Variants in SYT17 observed in about 807,000 individuals in gnomAD.
SYT17 encodes the protein synaptotagmin-17.
In SYT17, 22 loss-of-function variants were observed where a neutral mutation model predicts 46.7. That is an observed-to-expected ratio of 0.47 (90% CI 0.34 to 0.67). The LOEUF is 0.67. Among genes scored for constraint, SYT17 ranks in the 30% least tolerant of loss-of-function variants. The probability of loss-of-function intolerance (pLI) is 0.01; values close to 1 mark genes in which losing one functional copy is unlikely to be tolerated. For synonymous variants in SYT17, 251 were observed against 248.4 expected (o/e 1.01, Z -0.10); for missense variants, 519 against 612.8 (o/e 0.85, Z 1.62).
Position 19,172,314 on chromosome 16 carries a change from C to G in SYT17, c.16-446C>G, listed in dbSNP as rs533107027. On this transcript the variant is annotated intron_variant, in intron 1 of 7. Transcript: ENST00000355377. The stretch of plus-strand genomic sequence containing the variant: ...TTGGAAGGTAGGGCCTCCGGGAGGG[C>G]GGGGGAGCCAAGTAACATCCACTGT... The G allele has an allele frequency of 8.3e-6, 11 of 1,317,792 alleles. No homozygotes were observed. The South Asian group carries it at 1.4e-4, about 17-fold the overall frequency. The allele number at this position is 1,317,792 out of a possible 1,614,324, so 81.6% of individuals were successfully genotyped here.
rs1287321062 is a variant in SYT17 at position 19,267,713 on chromosome 16, C to T, written c.*637C>T. The T allele has an allele frequency of 8.5e-5, 13 of 152,214 alleles. No homozygotes were observed. The highest frequency in any genetic ancestry group is 1.6e-4 in the Non-Finnish European group (11 of 68,048). The allele number at this position is 152,214 out of a possible 1,614,324, so 9.4% of individuals were successfully genotyped here. A position where few individuals can be genotyped will look rare whatever the true frequency, so the allele number is the denominator to read the frequency against. ...CCTTTCCTGGCTTAACAGAATTGTT[C>T]TTGTGTTAGCTCATCCCAGGGAACG... On this transcript the variant is annotated 3_prime_UTR_variant, in exon 8 of 8. Transcript: ENST00000355377.
chr16:19,264,444 T>G (rs547473133), intron 7 of SYT17, among the ~76,000 whole-genome samples: 117 of 152,286 alleles, frequency 7.7e-4, no homozygotes, highest in African/African-American at 2.5e-3. Flanking sequence ...TGCAGAAAAT[T>G]CTATGGGATC....
intron 7 of SYT17, among the ~76,000 whole-genome samples, chr16:19,228,876 A>T (rs906147849): frequency 1.3e-5 from 2 of 152,224 alleles, no homozygotes; most frequent in Admixed American, 6.5e-5. Context: ...TAACAAAAGT[A>T]AGGTTGGTCT....
intron 5 of SYT17, among the ~76,000 whole-genome samples, chr16:19,186,097 A>T (rs1013113539): frequency 6.6e-6 from 1 of 152,086 alleles, no homozygotes; most frequent in African/African-American, 2.4e-5. Context: ...CTCCCAGACA[A>T]GGGCTGGCTC....
intron 5 of SYT17, among the ~76,000 whole-genome samples, chr16:19,209,509 CA>C (rs1362037951): frequency 6.6e-6 from 1 of 152,098 alleles, no homozygotes; most frequent in Non-Finnish European, 1.5e-5. Flanking sequence ...CAATATAATC[CA>C]GTGTGAAATG....
intron 7 of SYT17, among the ~76,000 whole-genome samples, chr16:19,252,188 T>A (rs924540227): frequency 6.7e-6 from 1 of 148,602 alleles, no homozygotes; most frequent in Non-Finnish European, 1.5e-5. Flanking sequence ...AAAACCATGT[T>A]TGAGACGTCT....
At chr16:19,190,854 C>T (rs1964989057) in intron 5 of SYT17, among the ~76,000 whole-genome samples, 1 of 150,936 alleles carries the variant, frequency 6.6e-6, no homozygotes, top group Admixed American at 6.6e-5. Context: ...ACTTGGATTG[C>T]CTCCACCCAA....
chr16:19,258,356 G>A (rs920643272), intron 7 of SYT17, among the ~76,000 whole-genome samples: 1 of 152,052 alleles, frequency 6.6e-6, no homozygotes, highest in African/African-American at 2.4e-5. Context: ...GGGAGATAGA[G>A]GAGGCCAGGC....
intron 7 of SYT17, among the ~76,000 whole-genome samples, chr16:19,242,526 T>A (rs1444490466): frequency 1.3e-5 from 2 of 149,802 alleles, no homozygotes. Context: ...TTTTTTTTAA[T>A]TAAAAAAATT....
intron 5 of SYT17, among the ~76,000 whole-genome samples, chr16:19,215,470 G>A (rs529062441): frequency 1.1e-4 from 16 of 152,244 alleles, no homozygotes; most frequent in Admixed American, 2.0e-4. Context: ...CAGTTGCCAA[G>A]GATCTATCAT....
intron 3 of SYT17, among the ~76,000 whole-genome samples, chr16:19,174,002 C>A (rs780016753): frequency 6.6e-6 from 1 of 152,118 alleles, no homozygotes; most frequent in South Asian, 2.1e-4. Context: ...TAGCCCAGGG[C>A]CTGCACATAG....
intron 7 of SYT17, among the ~76,000 whole-genome samples, chr16:19,227,345 C>A (rs1482377310): frequency 7.1e-6 from 1 of 141,622 alleles, no homozygotes; most frequent in South Asian, 2.3e-4. Context: ...TTGAGACAAT[C>A]TCATTCTGAT....
At chr16:19,204,009 A>G (rs1389557580) in intron 5 of SYT17, among the ~76,000 whole-genome samples, 2 of 152,150 alleles carry the variant, frequency 1.3e-5, no homozygotes, top group African/African-American at 4.8e-5. Flanking sequence ...GGGGGATGGG[A>G]GCCGTTACAA....
chr16:19,209,205 C>G (rs1965793885), intron 5 of SYT17, among the ~76,000 whole-genome samples: 1 of 151,896 alleles, frequency 6.6e-6, no homozygotes, highest in Admixed American at 6.6e-5. Context: ...ATTCAGAGAT[C>G]CTGGGGGTTG....
chr16:19,215,945 C>G (rs1314943551), intron 5 of SYT17, among the ~76,000 whole-genome samples: 2 of 152,120 alleles, frequency 1.3e-5, no homozygotes, highest in Non-Finnish European at 2.9e-5. Flanking sequence ...AGGGAAACTC[C>G]TCTTTTTAAG....
Position 19,168,465 on chromosome 16 carries a change from C to A in SYT17, c.-182C>A, listed in dbSNP as rs940873455. ...CCGAGAGCCGGAACGCAGGGAAAGGCAAGGACGGGGCGGCCGGCGGAGGGG... is the reference window on the plus strand; with the variant it reads ...CCGAGAGCCGGAACGCAGGGAAAGGAAAGGACGGGGCGGCCGGCGGAGGGG... On this transcript the variant is annotated 5_prime_UTR_variant, in exon 1 of 8. Transcript: ENST00000355377. The surrounding 1 kb of genome is among the most constrained non-coding windows in gnomAD (Gnocchi z 6.9). 2.1e-5 allele frequency: 17 copies of A among 791,918 alleles called. No individual in the cohort carries two copies. The highest frequency in any genetic ancestry group is 3.0e-5 in the Non-Finnish European group (15 of 504,272). 49.1% of individuals were successfully genotyped at this position (791,918 alleles called of 1,614,324 possible). A position where few individuals can be genotyped will look rare whatever the true frequency, so the allele number is the denominator to read the frequency against.
intron 7 of SYT17, among the ~76,000 whole-genome samples, chr16:19,258,567 G>A (rs572401484): frequency 2.0e-5 from 3 of 152,216 alleles, no homozygotes; most frequent in Admixed American, 1.3e-4. Flanking sequence ...ACTTCAACCC[G>A]GGAGGCGGAG....
Position 19,267,005 on chromosome 16 carries a change from G to A in SYT17, c.1354G>A (p.Glu452Lys). ...RMLNTHRTAV[E>K]QWHSLRSRAE... Reference sequence around the variant, plus strand: ...GCTCAACACGCACCGCACAGCCGTGGAGCAGTGGCATAGCCTGAGGTCCCG... The same window carrying A: ...GCTCAACACGCACCGCACAGCCGTGAAGCAGTGGCATAGCCTGAGGTCCCG... Residue 452 changes from glutamate to lysine, a missense_variant, in exon 8 of 8, where the codon GAG becomes AAG. Physicochemically the swap from Glu to Lys is moderately conservative, Grantham distance 56. Coordinates refer to ENST00000355377, the MANE Select transcript of SYT17 (RefSeq NM_016524.4). 1.2e-6 allele frequency: 2 copies of A among 1,613,454 alleles called. No individual in the cohort carries two copies. The highest frequency in any genetic ancestry group is 2.2e-5 in the East Asian group (1 of 44,842).
chr16:19,198,696 G>A (rs1246784146), intron 5 of SYT17, among the ~76,000 whole-genome samples: 1 of 152,226 alleles, frequency 6.6e-6, no homozygotes, highest in African/African-American at 2.4e-5. Context: ...GGCTCAGCTT[G>A]TTGGAAAATG....
Sources: gnomAD v4.1 joint callset for allele counts (sites outside exome capture counted in the v4.1 genomes callset) on GRCh38, gnomAD v4.1.1 for gene constraint, Gnocchi (gnomAD v3.1) non-coding constraint, MANE v1.5 for transcripts, NCBI Gene and HGNC (gene_info 2026-07-23, HGNC 2026-07-21) for gene names.